The following MSRA variants were observed in gnomAD, a reference collection of about 807,000 sequenced individuals.
MSRA encodes the protein mitochondrial peptide methionine sulfoxide reductase.
MSRA carries 54 observed loss-of-function variants against 31.3 expected under a neutral mutation model. The observed-to-expected ratio is 1.73, with a 90% CI of 1.39 to 2.17. The LOEUF is 2.17. MSRA is among the 30% of genes most tolerant of loss of function. The probability of loss-of-function intolerance (pLI) is 0.00; values close to 1 mark genes in which losing one functional copy is unlikely to be tolerated. For missense variants in MSRA, 507 were observed against 300.9 expected (o/e 1.69, Z -5.07); for synonymous variants, 169 against 116.5 (o/e 1.45, Z -2.90).
chr8:10,197,493 G>A (rs1808093752), intron 1 of MSRA, among the ~76,000 whole-genome samples: 1 of 152,060 alleles, frequency 6.6e-6, no homozygotes, highest in Non-Finnish European at 1.5e-5. Context: ...GAAGTGGGTC[G>A]GGCATTGCGG....
intron 5 of MSRA, among the ~76,000 whole-genome samples, chr8:10,422,999 T>C (rs1808905345): frequency 6.6e-6 from 1 of 152,184 alleles, no homozygotes. Context: ...CCTCCCTCTG[T>C]CCAGCACAGT....
At chr8:10,278,846 G>T (rs961631471) in intron 3 of MSRA, among the ~76,000 whole-genome samples, 2 of 152,152 alleles carry the variant, frequency 1.3e-5, no homozygotes, top group African/African-American at 4.8e-5. Flanking sequence ...CTACATTCCC[G>T]TCAGACTAAT....
intron 1 of MSRA, among the ~76,000 whole-genome samples, chr8:10,196,773 T>C (rs995545510): frequency 6.6e-6 from 1 of 152,028 alleles, no homozygotes; most frequent in Non-Finnish European, 1.5e-5. Context: ...GGTTTCACCA[T>C]GTTGGCCAGG....
rs1809326200 is a variant in MSRA at position 10,428,308 on chromosome 8, A to G, written c.704A>G (p.Lys235Arg). The change falls in exon 6 of 6, where the codon AAA (lysine) becomes AGA (arginine). Residue 235 changes from lysine (K) to arginine (R), a missense_variant. By Grantham distance (26) the Lys-to-Arg change is conservative. Transcript: ENST00000317173. ...TGVSCPVGIKK is the reference protein window; with the variant it reads ...TGVSCPVGIKR Reference sequence around the variant, plus strand: ...GTGTCCTGCCCAGTGGGTATTAAAAAATAATTTCTCCCCACATGGTGGGCC... The same window carrying G: ...GTGTCCTGCCCAGTGGGTATTAAAAGATAATTTCTCCCCACATGGTGGGCC... The G allele has an allele frequency of 6.2e-7, 1 of 1,612,098 alleles. No homozygotes were observed. Among genetic ancestry groups the G allele is most frequent in the Non-Finnish European group, 8.5e-7 (1 of 1,179,700 alleles).
chr8:10,140,234 T>C (rs1393825862), intron 1 of MSRA, among the ~76,000 whole-genome samples: 1 of 152,138 alleles, frequency 6.6e-6, no homozygotes, highest in African/African-American at 2.4e-5. Flanking sequence ...TTCATAGATG[T>C]GGTTGTTCCT....
intron 4 of MSRA, among the ~76,000 whole-genome samples, chr8:10,308,925 A>G (rs913797130): frequency 8.5e-5 from 13 of 152,294 alleles, no homozygotes; most frequent in African/African-American, 2.9e-4. Context: ...GGATTATAAA[A>G]CATCTGCCAC....
intron 5 of MSRA, among the ~76,000 whole-genome samples, chr8:10,330,782 A>T (rs1802649364): frequency 6.6e-6 from 1 of 150,752 alleles, no homozygotes; most frequent in Admixed American, 6.6e-5. Flanking sequence ...AGTGATTGTC[A>T]ACAAATATCT....
At chr8:10,420,172 C>T (rs972621833) in intron 5 of MSRA, among the ~76,000 whole-genome samples, 2 of 152,092 alleles carry the variant, frequency 1.3e-5, no homozygotes, top group African/African-American at 2.4e-5. Flanking sequence ...GTGAAATATG[C>T]CAGTCACAAA....
chr8:10,372,857 C>T (rs1424477734), intron 5 of MSRA, among the ~76,000 whole-genome samples: 4 of 152,208 alleles, frequency 2.6e-5, no homozygotes, highest in African/African-American at 4.8e-5. Flanking sequence ...TAGGCTTAAG[C>T]GTGTGCTAAG....
chr8:10,239,219 T>A (rs1334468093), intron 2 of MSRA, among the ~76,000 whole-genome samples: 1 of 152,118 alleles, frequency 6.6e-6, no homozygotes, highest in Non-Finnish European at 1.5e-5. Flanking sequence ...TGGAGTGCAG[T>A]GGTGCAATCT....
At chr8:10,383,546 T>A (rs1806204578) in intron 5 of MSRA, among the ~76,000 whole-genome samples, 1 of 150,560 alleles carries the variant, frequency 6.6e-6, no homozygotes, top group African/African-American at 2.4e-5. Context: ...CTGTCAGTTA[T>A]TTTTTTTTTC....
At chr8:10,096,127 A>G in intron 1 of MSRA, 1 of 1,255,158 alleles carries the variant, frequency 8.0e-7, no homozygotes, top group Non-Finnish European at 1.0e-6. Context: ...GATTTTATGC[A>G]GCCCAGCCAG....
chr8:10,271,718 CTTTT>C (rs11301253), intron 3 of MSRA, among the ~76,000 whole-genome samples: 11 of 136,110 alleles, frequency 8.1e-5, no homozygotes, highest in African/African-American at 1.6e-4. Context: ...CATGGGTAGT[CTTTT>C]TTTTTTTTTT....
At chr8:10,355,819 G>A (rs1804475591) in intron 5 of MSRA, among the ~76,000 whole-genome samples, 1 of 152,158 alleles carries the variant, frequency 6.6e-6, no homozygotes, top group Non-Finnish European at 1.5e-5. Context: ...GCCCTCAGGG[G>A]ACTGAGGTTT....
intron 5 of MSRA, among the ~76,000 whole-genome samples, chr8:10,379,553 C>T (rs1170415273): frequency 6.6e-6 from 1 of 152,212 alleles, no homozygotes; most frequent in Non-Finnish European, 1.5e-5. Context: ...GCCAGTCCTT[C>T]CTCTCATGCC....
intron 1 of MSRA, among the ~76,000 whole-genome samples, chr8:10,128,397 C>A (rs545472523): frequency 1.3e-5 from 2 of 152,000 alleles, no homozygotes; most frequent in Admixed American, 6.6e-5. Flanking sequence ...AAAAAAAATT[C>A]TGTCTAAATT....
intron 5 of MSRA, among the ~76,000 whole-genome samples, chr8:10,373,678 G>C (rs887373799): frequency 6.6e-6 from 1 of 152,272 alleles, no homozygotes; most frequent in African/African-American, 2.4e-5. Context: ...AAGGAAGCCA[G>C]CATGACTGCA....
intron 3 of MSRA, among the ~76,000 whole-genome samples, chr8:10,271,708 C>A (rs796752875): frequency 7.0e-6 from 1 of 142,396 alleles, no homozygotes; most frequent in African/African-American, 2.6e-5. Context: ...ATGTAATTTC[C>A]ATGGGTAGTC....
intron 5 of MSRA, among the ~76,000 whole-genome samples, chr8:10,331,034 C>G (rs1190268334): frequency 6.6e-6 from 1 of 152,194 alleles, no homozygotes; most frequent in African/African-American, 2.4e-5. Flanking sequence ...CTTGAGCACT[C>G]TATTGCTGTG....
Sources: allele counts gnomAD v4.1 joint callset (sites outside exome capture counted in the v4.1 genomes callset), GRCh38; gene constraint gnomAD v4.1.1; transcripts MANE v1.5; gene names NCBI Gene and HGNC (gene_info 2026-07-23, HGNC 2026-07-21).